Variants in DLG2 observed in about 807,000 individuals in gnomAD.
The protein encoded by DLG2 is discs large MAGUK scaffold protein 2.
Under a neutral mutation model 132.5 loss-of-function variants are expected in DLG2, and 45 were observed. That is an observed-to-expected ratio of 0.34 (90% CI 0.27 to 0.44). The LOEUF is 0.44. Among genes scored for constraint, DLG2 ranks in the 20% least tolerant of loss-of-function variants. DLG2 has a pLI of 1.00. For missense variants in DLG2, 1,045 were observed against 1,196.9 expected, an observed-to-expected ratio of 0.87 and a Z score of 1.87; for synonymous variants, 424 against 419.6, an observed-to-expected ratio of 1.01 and a Z score of -0.13.
At chr11:85,175,108 ACATTTTATGAGGCTAG>A (rs1220666256) in intron 4 of DLG2, among the ~76,000 whole-genome samples, 1 of 152,098 alleles carries the variant, frequency 6.6e-6, no homozygotes, top group African/African-American at 2.4e-5. Context: ...CCTCCCTAAC[ACATTTTATGAGGCTAG>A]CATCATCCTA....
At chr11:85,134,105 C>G (rs1009479746) in intron 5 of DLG2, among the ~76,000 whole-genome samples, 1 of 151,832 alleles carries the variant, frequency 6.6e-6, no homozygotes. Context: ...CAATAAAAAT[C>G]GAAAATCAAT....
chr11:83,786,711 T>C lies in DLG2; in HGVS notation c.1804A>G (p.Ile602Val). The C allele has an allele frequency of 6.2e-7, 1 of 1,614,162 alleles. No homozygotes were observed. The highest frequency in any genetic ancestry group is 8.5e-7 in the Non-Finnish European group (1 of 1,179,990). ...LKGAGQTVTI[I>V]AQYQPEDYAR... is the part of the protein sequence containing the mutation. ...TGACCTTCAGGTTGATATTGTGCTATAATCGTCACTGTCTGTCCAGCCCCC... is the reference window on the plus strand; with the variant it reads ...TGACCTTCAGGTTGATATTGTGCTACAATCGTCACTGTCTGTCCAGCCCCC... Residue 602 changes from isoleucine (I) to valine (V), a missense_variant, in exon 18 of 28, where the codon ATA becomes GTA. Physicochemically the swap from Ile to Val is conservative, Grantham distance 29 (BLOSUM62 3). Transcript: ENST00000376104.
intron 18 of DLG2, among the ~76,000 whole-genome samples, chr11:83,703,270 C>T (rs753247648): frequency 1.3e-5 from 2 of 152,154 alleles, no homozygotes; most frequent in Non-Finnish European, 2.9e-5. Context: ...AAAACAGTGA[C>T]AAAGAAACAA....
intron 6 of DLG2, among the ~76,000 whole-genome samples, chr11:84,799,005 T>C (rs1217617945): frequency 1.3e-5 from 2 of 152,130 alleles, no homozygotes; most frequent in Non-Finnish European, 2.9e-5. Context: ...TCACTTTCAT[T>C]GCTAGAAGCT....
At chr11:85,289,937 A>G (rs2078790268) in intron 3 of DLG2, among the ~76,000 whole-genome samples, 1 of 152,066 alleles carries the variant, frequency 6.6e-6, no homozygotes, top group African/African-American at 2.4e-5. Context: ...TTGTTCACCC[A>G]CCTGTTTTCA....
chr11:84,505,795 C>T (rs2099237550), intron 7 of DLG2, among the ~76,000 whole-genome samples: 1 of 151,982 alleles, frequency 6.6e-6, no homozygotes, highest in African/African-American at 2.4e-5. Context: ...CAAGAAATCT[C>T]TTGGGTATAT....
chr11:84,658,160 G>A (rs914146652), intron 6 of DLG2, among the ~76,000 whole-genome samples: 5 of 152,018 alleles, frequency 3.3e-5, no homozygotes, highest in South Asian at 2.1e-4. Flanking sequence ...ATGTATACAC[G>A]ATGATTTAAT....
chr11:85,312,754 G>A (rs755685112), intron 3 of DLG2, among the ~76,000 whole-genome samples: 1 of 151,914 alleles, frequency 6.6e-6, no homozygotes, highest in African/African-American at 2.4e-5. Flanking sequence ...TCTTGTGAAA[G>A]ACTGTTTTCT....
intron 6 of DLG2, among the ~76,000 whole-genome samples, chr11:84,961,526 TTGTGTGTGTG>T (rs71465017): frequency 0.026 from 3,758 of 143,676 alleles, 108 homozygotes; most frequent in East Asian, 0.045. Flanking sequence ...AATTGTATCT[TTGTGTGTGTG>T]TGTGTGTGTG....
chr11:84,234,977 T>C (rs1197426291), intron 8 of DLG2, among the ~76,000 whole-genome samples: 1 of 152,178 alleles, frequency 6.6e-6, no homozygotes, highest in Middle Eastern at 3.2e-3. Context: ...TAAGAAACAT[T>C]TACAATCTAT....
chr11:84,819,648 C>T (rs1426540165), intron 6 of DLG2, among the ~76,000 whole-genome samples: 2 of 151,866 alleles, frequency 1.3e-5, no homozygotes, highest in East Asian at 3.9e-4. Context: ...AACTAAATTA[C>T]CCATTGACCT....
chr11:85,096,923 C>T (rs774104242), intron 6 of DLG2, among the ~76,000 whole-genome samples: 5 of 152,226 alleles, frequency 3.3e-5, no homozygotes, highest in Middle Eastern at 3.4e-3. Context: ...AACTATCTTC[C>T]GCTTTTCCTG....
intron 3 of DLG2, among the ~76,000 whole-genome samples, chr11:85,441,766 C>T (rs2091789598): frequency 6.6e-6 from 1 of 151,964 alleles, no homozygotes; most frequent in Non-Finnish European, 1.5e-5. Context: ...TGTTCTAGTC[C>T]CTGAGGATAT....
intron 3 of DLG2, among the ~76,000 whole-genome samples, chr11:85,400,262 C>T (rs2087916206): frequency 6.7e-6 from 1 of 150,142 alleles, no homozygotes; most frequent in African/African-American, 2.5e-5. Flanking sequence ...GAATGGCTAT[C>T]ATTAAAAAGT....
chr11:85,588,872 T>C (rs1306914008), intron 3 of DLG2, among the ~76,000 whole-genome samples: 1 of 152,162 alleles, frequency 6.6e-6, no homozygotes. Context: ...TCCCTTGATG[T>C]GGTACACTGC....
intron 6 of DLG2, among the ~76,000 whole-genome samples, chr11:84,996,648 ACTAAT>A (rs1251748571): frequency 1.3e-5 from 2 of 152,216 alleles, no homozygotes; most frequent in Non-Finnish European, 2.9e-5. Context: ...TTAGAAAAAT[ACTAAT>A]CTAATGTGGG....
intron 8 of DLG2, among the ~76,000 whole-genome samples, chr11:84,231,240 C>T (rs1005825812): frequency 3.3e-5 from 5 of 152,270 alleles, no homozygotes; most frequent in African/African-American, 1.2e-4. Context: ...CAAAAGGGAG[C>T]CTCAAGCTAT....
chr11:84,325,231 C>T (rs1442074766), intron 7 of DLG2, among the ~76,000 whole-genome samples: 1 of 151,908 alleles, frequency 6.6e-6, no homozygotes, highest in African/African-American at 2.4e-5. Context: ...AATTATTATA[C>T]TTTAAGTTCT....
chr11:85,145,238 T>G (rs2076762425), intron 5 of DLG2, among the ~76,000 whole-genome samples: 1 of 152,128 alleles, frequency 6.6e-6, no homozygotes, highest in South Asian at 2.1e-4. Context: ...TCTTTTCTCT[T>G]GCTTCATTTA....
Sources: gnomAD v4.1 joint callset for allele counts (sites outside exome capture counted in the v4.1 genomes callset) on GRCh38, gnomAD v4.1.1 for gene constraint, MANE v1.5 for transcripts, NCBI Gene and HGNC (gene_info 2026-07-23, HGNC 2026-07-21) for gene names.